Variants in NOL4L observed in about 807,000 individuals in gnomAD.
NOL4L encodes nucleolar protein 4 like, also known as nucleolar protein 4-like.
In NOL4L, 7 loss-of-function variants were observed where a neutral mutation model predicts 64.5. That is an observed-to-expected ratio of 0.11 (90% CI 0.06 to 0.20). NOL4L has a LOEUF of 0.20. Ranked by LOEUF, NOL4L falls within the 10% of genes least tolerant of loss-of-function variation. NOL4L has a pLI of 1.00. For missense variants in NOL4L, 680 were observed against 967.1 expected, an observed-to-expected ratio of 0.70 and a Z score of 3.94; for synonymous variants, 413 against 401.0, an observed-to-expected ratio of 1.03 and a Z score of -0.36.
intron 5 of NOL4L, among the ~76,000 whole-genome samples, chr20:32,459,383 T>TA (rs1348976371): frequency 7.2e-4 from 105 of 146,814 alleles, no homozygotes; most frequent in Non-Finnish European, 1.2e-3. Context: ...TTGGCTAATT[T>TA]TTTTTTTTTT....
At chr20:32,462,911 A>AAAAAAAAAAAAAAAC (rs1568611803) in intron 5 of NOL4L, among the ~76,000 whole-genome samples, 1 of 150,360 alleles carries the variant, frequency 6.7e-6, no homozygotes, top group East Asian at 2.0e-4. Context: ...CTTAAAAAAA[A>AAAAAAAAAAAAAAAC]AAAAAAAAAA....
intron 1 of NOL4L, among the ~76,000 whole-genome samples, chr20:32,555,654 A>G (rs970001614): frequency 1.3e-5 from 2 of 152,040 alleles, no homozygotes; most frequent in Non-Finnish European, 2.9e-5. Context: ...TGTGGGCCGC[A>G]CTCTAATAGG....
chr20:32,481,747 G>A (rs2015725636), intron 4 of NOL4L, among the ~76,000 whole-genome samples: 1 of 152,228 alleles, frequency 6.6e-6, no homozygotes, highest in Non-Finnish European at 1.5e-5. Context: ...TTCCAATGAA[G>A]GGGTAATTTA....
Position 32,453,920 on chromosome 20 carries a change from T to C in NOL4L, c.1120-159A>G. 1 of 658,222 alleles carries C rather than the reference T, an allele frequency of 1.5e-6. No individual in the cohort carries two copies. The highest frequency in any genetic ancestry group is 2.6e-6 in the Non-Finnish European group (1 of 383,794). 40.8% of individuals were successfully genotyped at this position (658,222 alleles called of 1,614,324 possible). ...CCCTGAGCAAGTCACTCCCCTCTTCTGCTCCCTTCATCTGTGCAATGGGGA... is the reference window on the plus strand; with the variant it reads ...CCCTGAGCAAGTCACTCCCCTCTTCCGCTCCCTTCATCTGTGCAATGGGGA... On this transcript the variant is annotated intron_variant, in intron 6 of 10. Coordinates refer to ENST00000621426, the MANE Select transcript of NOL4L (RefSeq NM_001256798.2). This position sits in a 1 kb window ranked among gnomAD's most constrained non-coding sequence, Gnocchi z 5.6.
chr20:32,478,142 C>T (rs940819358), intron 4 of NOL4L, among the ~76,000 whole-genome samples: 2 of 152,150 alleles, frequency 1.3e-5, no homozygotes, highest in East Asian at 3.9e-4. Context: ...TGGGCCACCT[C>T]ACCACATCTC....
At chr20:32,455,613 AG>A (rs1379947701) in intron 6 of NOL4L, among the ~76,000 whole-genome samples, 3 of 152,150 alleles carry the variant, frequency 2.0e-5, no homozygotes, top group Non-Finnish European at 4.4e-5. Context: ...GCCCACTGGT[AG>A]GGGTACGTAC....
At chr20:32,542,817 C>T (rs576590692) in intron 1 of NOL4L, among the ~76,000 whole-genome samples, 33 of 152,272 alleles carry the variant, frequency 2.2e-4, no homozygotes, top group Admixed American at 5.2e-4. Flanking sequence ...AAGTCATTGC[C>T]GTGATTCATT....
intron 1 of NOL4L, among the ~76,000 whole-genome samples, chr20:32,558,799 G>C (rs1978821497): frequency 6.6e-6 from 1 of 152,216 alleles, no homozygotes; most frequent in African/African-American, 2.4e-5. Context: ...AGGGTTTTAG[G>C]CTAGGAACTG....
chr20:32,479,111 T>C (rs2015574727), intron 4 of NOL4L, among the ~76,000 whole-genome samples: 1 of 152,324 alleles, frequency 6.6e-6, no homozygotes, highest in Admixed American at 6.5e-5. Context: ...GGGCAGACTG[T>C]AGCTCCAGTC....
intron 1 of NOL4L, among the ~76,000 whole-genome samples, chr20:32,552,178 A>G (rs1978340545): frequency 6.6e-6 from 1 of 152,226 alleles, no homozygotes. Flanking sequence ...CCTATGGAAC[A>G]ATGTACAACA....
At position 32,447,486 on chromosome 20, in the gene NOL4L, G is replaced by T; in HGVS notation, c.*110C>A. ...GAGTGTGGCTAGAAACAGCTCTTTT[G>T]GATCCCACCTCTTTCAAAAACAAAA... On this transcript the variant is annotated 3_prime_UTR_variant, in exon 11 of 11. Coordinates refer to ENST00000621426, the MANE Select transcript of NOL4L (RefSeq NM_001256798.2). The T allele has an allele frequency of 7.2e-7, 1 of 1,395,138 alleles. No homozygotes were observed. Among genetic ancestry groups the T allele is most frequent in the Non-Finnish European group, 9.4e-7 (1 of 1,059,514 alleles). 86.4% of individuals were successfully genotyped at this position (1,395,138 alleles called of 1,614,324 possible). A position where few individuals can be genotyped will look rare whatever the true frequency, so the allele number is the denominator to read the frequency against.
intron 4 of NOL4L, among the ~76,000 whole-genome samples, chr20:32,478,611 T>C (rs756416018): frequency 3.3e-5 from 5 of 152,186 alleles, no homozygotes; most frequent in Non-Finnish European, 7.3e-5. Context: ...TTGACTGCTA[T>C]AGCTTTTTTG....
chr20:32,501,631 A>G (rs1390555491), intron 4 of NOL4L, among the ~76,000 whole-genome samples: 1 of 152,200 alleles, frequency 6.6e-6, no homozygotes, highest in Non-Finnish European at 1.5e-5. Flanking sequence ...ACTCTGTACT[A>G]TCTTCCCAAT....
Position 32,478,377 on chromosome 20 carries a change from C to T in NOL4L, c.700-3635G>A, listed in dbSNP as rs573957796. On this transcript the variant is annotated intron_variant, in intron 4 of 10. Coordinates refer to ENST00000621426, the MANE Select transcript of NOL4L (RefSeq NM_001256798.2). Reference sequence around the variant, plus strand: ...GGCACTGTGCTAGGGACATAGATAACTAAGGCAGGGCTCCTTTACACCAGG... The same window carrying T: ...GGCACTGTGCTAGGGACATAGATAATTAAGGCAGGGCTCCTTTACACCAGG... Among the ~76,000 whole-genome samples, 7 of 152,114 alleles carry T rather than the reference C, an allele frequency of 4.6e-5. No homozygotes were observed. In the South Asian group the frequency reaches 1.2e-3, roughly 27 times the overall value.
chr20:32,555,571 G>A (rs1417533056), intron 1 of NOL4L, among the ~76,000 whole-genome samples: 9 of 151,978 alleles, frequency 5.9e-5, no homozygotes, highest in Non-Finnish European at 7.4e-5. Flanking sequence ...GTGCTAGGAT[G>A]TCACAGGAGT....
chr20:32,545,950 CT>C (rs11327665), intron 1 of NOL4L, among the ~76,000 whole-genome samples: 28,939 of 133,652 alleles, frequency 0.22, 5,473 homozygotes, highest in African/African-American at 0.58. Context: ...TCTTTCTTTT[CT>C]TTTTTTTTTT....
intron 2 of NOL4L, 53 bp downstream of exon 2, chr20:32,527,705 C>A: frequency 1.3e-6 from 2 of 1,504,966 alleles, no homozygotes; most frequent in Non-Finnish European, 8.9e-7. Context: ...GAGCCCGTGG[C>A]CTCCTGCCAA....
At chr20:32,555,193 T>A (rs1429610819) in intron 1 of NOL4L, among the ~76,000 whole-genome samples, 2 of 152,200 alleles carry the variant, frequency 1.3e-5, no homozygotes, top group Non-Finnish European at 2.9e-5. Flanking sequence ...TACTTGATCT[T>A]CAGGCCTCAG....
chr20:32,513,257 G>A (rs564864928), intron 3 of NOL4L, among the ~76,000 whole-genome samples: 84 of 152,270 alleles, frequency 5.5e-4, no homozygotes, highest in African/African-American at 1.1e-3. Flanking sequence ...GAGGATATCC[G>A]GGGGTGACTT....
Sources: gnomAD v4.1 joint callset for allele counts (sites outside exome capture counted in the v4.1 genomes callset) on GRCh38, gnomAD v4.1.1 for gene constraint, Gnocchi (gnomAD v3.1) non-coding constraint, MANE v1.5 for transcripts, NCBI Gene and HGNC (gene_info 2026-07-23, HGNC 2026-07-21) for gene names.